TTC28: variants seen among roughly 807,000 people sequenced by gnomAD.
The protein encoded by TTC28 is tetratricopeptide repeat protein 28.
Under a neutral mutation model 198.0 loss-of-function variants are expected in TTC28, and 61 were observed. The observed-to-expected ratio is 0.31, with a 90% CI of 0.25 to 0.38. The LOEUF is 0.38. TTC28 is among the 10% of genes least tolerant of loss of function. The pLI, the probability that TTC28 is intolerant of heterozygous loss-of-function variation, is 1.00. For missense variants in TTC28, 2,678 were observed against 3,164.0 expected (o/e 0.85, Z 3.69); for synonymous variants, 1,171 against 1,297.8 (o/e 0.90, Z 2.10).
At chr22:28,168,222 A>T (rs1315683935) in intron 5 of TTC28, among the ~76,000 whole-genome samples, 1 of 152,246 alleles carries the variant, frequency 6.6e-6, no homozygotes, top group Non-Finnish European at 1.5e-5. Flanking sequence ...GGAAGAATCA[A>T]TATCGTGAAA....
At chr22:28,395,942 T>C (rs1471375882) in intron 2 of TTC28, among the ~76,000 whole-genome samples, 2 of 152,198 alleles carry the variant, frequency 1.3e-5, no homozygotes, top group Admixed American at 1.3e-4. Context: ...TATTCACAAC[T>C]ATGACTAATG....
At chr22:28,198,932 G>A (rs1482293368) in intron 5 of TTC28, among the ~76,000 whole-genome samples, 4 of 152,116 alleles carry the variant, frequency 2.6e-5, no homozygotes, top group Non-Finnish European at 5.9e-5. Flanking sequence ...GCAAAGTGGG[G>A]TGGGAAACAG....
At chr22:28,037,825 G>A (rs906066680) in intron 12 of TTC28, among the ~76,000 whole-genome samples, 1 of 152,132 alleles carries the variant, frequency 6.6e-6, no homozygotes, top group African/African-American at 2.4e-5. Context: ...GAAAGTCTCA[G>A]GATACAAAAT....
At chr22:28,233,806 G>A (rs937906653) in intron 5 of TTC28, among the ~76,000 whole-genome samples, 4 of 151,684 alleles carry the variant, frequency 2.6e-5, no homozygotes, top group African/African-American at 7.3e-5. Flanking sequence ...GTGCAGTGGC[G>A]CAATCTCAGC....
chr22:28,227,461 A>C (rs928538457), intron 5 of TTC28, among the ~76,000 whole-genome samples: 2 of 152,312 alleles, frequency 1.3e-5, no homozygotes, highest in Admixed American at 1.3e-4. Flanking sequence ...ACAACACACA[A>C]AATGGAACAA....
At chr22:28,473,291 C>G (rs2048121765) in intron 2 of TTC28, among the ~76,000 whole-genome samples, 1 of 151,978 alleles carries the variant, frequency 6.6e-6, no homozygotes, top group African/African-American at 2.4e-5. Context: ...GGATATAATG[C>G]CTTTAAAGAG....
At chr22:27,988,281 CTTTTTT>C (rs138641) in intron 21 of TTC28, among the ~76,000 whole-genome samples, 1 of 99,472 alleles carries the variant, frequency 1.0e-5, no homozygotes, top group African/African-American at 4.0e-5. Flanking sequence ...AAGAAGCTTG[CTTTTTT>C]TTTTTTTTTT....
chr22:28,388,401 T>G (rs972640820), intron 2 of TTC28, among the ~76,000 whole-genome samples: 1 of 152,252 alleles, frequency 6.6e-6, no homozygotes, highest in Admixed American at 6.5e-5. Context: ...GGTAGCTTGA[T>G]GGGGATGACA....
At chr22:28,387,330 A>G (rs1447154522) in intron 2 of TTC28, among the ~76,000 whole-genome samples, 2 of 152,208 alleles carry the variant, frequency 1.3e-5, no homozygotes, top group African/African-American at 4.8e-5. Flanking sequence ...TTATAGCAGC[A>G]TGATTTATAG....
chr22:28,548,886 C>T (rs891728093), intron 2 of TTC28, among the ~76,000 whole-genome samples: 1 of 152,180 alleles, frequency 6.6e-6, no homozygotes, highest in Admixed American at 6.5e-5. Context: ...AGGGCTTGTT[C>T]AAGTCCCACA....
chr22:28,582,286 A>C (rs1258017784), intron 2 of TTC28, among the ~76,000 whole-genome samples: 1 of 152,178 alleles, frequency 6.6e-6, no homozygotes, highest in Non-Finnish European at 1.5e-5. Context: ...GCCACCAAGA[A>C]GACATAGTAG....
intron 15 of TTC28, chr22:28,000,100 G>A (rs1937630592): frequency 6.6e-6 from 1 of 152,208 alleles, no homozygotes; most frequent in African/African-American, 2.4e-5. Flanking sequence ...AGCCGGCACG[G>A]TGGGCCGCTG....
intron 2 of TTC28, among the ~76,000 whole-genome samples, chr22:28,513,595 C>T (rs1178143302): frequency 1.3e-5 from 2 of 152,104 alleles, no homozygotes; most frequent in Non-Finnish European, 2.9e-5. Flanking sequence ...AGAATGATAC[C>T]TGTCTCTAAA....
At chr22:28,587,775 T>C (rs991801801) in intron 2 of TTC28, among the ~76,000 whole-genome samples, 3 of 152,048 alleles carry the variant, frequency 2.0e-5, no homozygotes, top group African/African-American at 4.8e-5. Context: ...ACATTCAAAG[T>C]CAAATAGCTT....
At chr22:28,636,273 C>T (rs1434478780) in intron 1 of TTC28, among the ~76,000 whole-genome samples, 1 of 151,132 alleles carries the variant, frequency 6.6e-6, no homozygotes, top group Non-Finnish European at 1.5e-5. Context: ...CTACAGGTGC[C>T]CACCACCATG....
At chr22:28,488,336 T>C (rs1342366149) in intron 2 of TTC28, among the ~76,000 whole-genome samples, 1 of 152,192 alleles carries the variant, frequency 6.6e-6, no homozygotes, top group Non-Finnish European at 1.5e-5. Flanking sequence ...TTTAAGGGAA[T>C]GTGCCTGGCC....
intron 2 of TTC28, among the ~76,000 whole-genome samples, chr22:28,426,211 C>CAAAAA (rs34448246): frequency 7.0e-5 from 6 of 85,620 alleles, no homozygotes; most frequent in South Asian, 3.7e-4. Context: ...GACTCCACGT[C>CAAAAA]AAAAAAAAAA....
At chr22:28,010,118 G>C (rs889731792) in intron 14 of TTC28, among the ~76,000 whole-genome samples, 2 of 152,170 alleles carry the variant, frequency 1.3e-5, no homozygotes, top group African/African-American at 4.8e-5. Context: ...GGCGGGTTCA[G>C]GGGCCCCTTC....
At chr22:28,318,046 G>A (rs2045379636) in intron 2 of TTC28, among the ~76,000 whole-genome samples, 1 of 151,718 alleles carries the variant, frequency 6.6e-6, no homozygotes, top group Non-Finnish European at 1.5e-5. Flanking sequence ...TGGGGGTACA[G>A]GTGTGTGCCA....
Sources: gnomAD v4.1 joint callset for allele counts (sites outside exome capture counted in the v4.1 genomes callset) on GRCh38, gnomAD v4.1.1 for gene constraint, MANE v1.5 for transcripts, NCBI Gene and HGNC (gene_info 2026-07-23, HGNC 2026-07-21) for gene names.